The following TMED3 variants were observed in gnomAD, a reference collection of about 807,000 sequenced individuals.
The protein encoded by TMED3 is transmembrane emp24 domain-containing protein 3.
In TMED3, 9 loss-of-function variants were observed where a neutral mutation model predicts 15.0. The observed-to-expected ratio is 0.60, with a 90% CI of 0.36 to 1.04. The LOEUF is 1.04. Ranked by LOEUF, TMED3 falls within the 50% of genes least tolerant of loss-of-function variation. The pLI, the probability that TMED3 is intolerant of heterozygous loss-of-function variation, is 0.01. For synonymous variants in TMED3, 117 were observed against 121.4 expected (o/e 0.96, Z 0.24); for missense variants, 267 against 278.9 (o/e 0.96, Z 0.30).
intron 2 of TMED3, among the ~76,000 whole-genome samples, chr15:79,348,120 C>CA (rs1412727630): frequency 6.6e-6 from 1 of 152,084 alleles, no homozygotes; most frequent in East Asian, 1.9e-4. Flanking sequence ...GCAATATTTT[C>CA]AATAAGTTAC....
intron 2 of TMED3, among the ~76,000 whole-genome samples, chr15:79,374,921 T>G (rs1893399644): frequency 1.3e-5 from 2 of 152,204 alleles, no homozygotes; most frequent in Non-Finnish European, 2.9e-5. Context: ...AGCAAGCTTT[T>G]TCTCTGATTC....
intron 2 of TMED3, among the ~76,000 whole-genome samples, chr15:79,356,086 C>G (rs1334229657): frequency 6.6e-6 from 1 of 152,062 alleles, no homozygotes; most frequent in Non-Finnish European, 1.5e-5. Flanking sequence ...GTCTGTTTGC[C>G]CAGCTCCCAG....
At chr15:79,343,802 G>A (rs74710498) in intron 2 of TMED3, among the ~76,000 whole-genome samples, 6,981 of 152,228 alleles carry the variant, frequency 0.046, 216 homozygotes, top group Middle Eastern at 0.071. Flanking sequence ...TGAACTACCA[G>A]GTGAAAGGTA....
intron 2 of TMED3, among the ~76,000 whole-genome samples, chr15:79,346,459 C>A (rs959770472): frequency 1.3e-5 from 2 of 152,166 alleles, no homozygotes; most frequent in African/African-American, 2.4e-5. Flanking sequence ...AGTACCCCTG[C>A]ACATGCTCTC....
At chr15:79,380,803 A>G (rs974497483) in intron 2 of TMED3, among the ~76,000 whole-genome samples, 2 of 152,056 alleles carry the variant, frequency 1.3e-5, no homozygotes, top group Non-Finnish European at 2.9e-5. Context: ...TCACAGAAAT[A>G]TCTCCCAGAC....
intron 2 of TMED3, chr15:79,384,568 C>T (rs1893598186): frequency 6.6e-6 from 1 of 152,070 alleles, no homozygotes; most frequent in Non-Finnish European, 1.5e-5. Context: ...GCTGGTGGGA[C>T]AAAGAGAAAT....
At chr15:79,349,425 G>A (rs7175793) in intron 2 of TMED3, among the ~76,000 whole-genome samples, 105,723 of 151,920 alleles carry the variant, frequency 0.7, 36,978 homozygotes, top group East Asian at 0.86. Flanking sequence ...GGGTAGTTGG[G>A]AGACAGGCTG....
intron 2 of TMED3, among the ~76,000 whole-genome samples, chr15:79,363,629 T>C (rs944110169): frequency 6.6e-6 from 1 of 152,112 alleles, no homozygotes; most frequent in Non-Finnish European, 1.5e-5. Context: ...TGATGATATA[T>C]AATATTTTTA....
chr15:79,360,625 TC>T (rs1206246620), intron 2 of TMED3, among the ~76,000 whole-genome samples: 2 of 152,130 alleles, frequency 1.3e-5, no homozygotes, highest in African/African-American at 4.8e-5. Flanking sequence ...GACCGCGACA[TC>T]CCAACAGCAG....
intron 2 of TMED3, among the ~76,000 whole-genome samples, chr15:79,394,410 C>T (rs1426661192): frequency 2.6e-5 from 4 of 152,154 alleles, no homozygotes; most frequent in Non-Finnish European, 5.9e-5. Flanking sequence ...GAGACTGACT[C>T]ATCCTTCTGT....
At chr15:79,391,852 T>C (rs1480282506) in intron 2 of TMED3, among the ~76,000 whole-genome samples, 1 of 152,250 alleles carries the variant, frequency 6.6e-6, no homozygotes, top group Non-Finnish European at 1.5e-5. Flanking sequence ...GTTGTCCTTT[T>C]TAACTGCTGT....
In TMED3 at chr15:79,401,378, G is replaced by A. The variant is rs183736790; in HGVS notation, c.418-10022G>A. ...ATAAGTATTTTCTTTACAGGAGTGT[G>A]AGATAGATGACAGAGAGTGCATAGG... On this transcript the variant is annotated intron_variant, in intron 2 of 2. Transcript: ENST00000424155. Among the ~76,000 whole-genome samples, 5 of 152,274 alleles carry A rather than the reference G, an allele frequency of 3.3e-5. No individual in the cohort carries two copies. The East Asian group carries it at 9.6e-4, about 29-fold the overall frequency.
intron 2 of TMED3, among the ~76,000 whole-genome samples, chr15:79,377,299 A>T (rs74024662): frequency 0.016 from 2,058 of 128,590 alleles, 31 homozygotes; most frequent in African/African-American, 0.05. Context: ...TGTGTGTGTG[A>T]GAGAGAGAGA....
At chr15:79,329,333 A>T (rs1231797994) in intron 2 of TMED3, among the ~76,000 whole-genome samples, 1 of 152,242 alleles carries the variant, frequency 6.6e-6, no homozygotes, top group Non-Finnish European at 1.5e-5. Context: ...AAATATCGTT[A>T]TACCAGAATC....
chr15:79,317,895 A>C (rs1271579591), intron 2 of TMED3, among the ~76,000 whole-genome samples: 1 of 152,192 alleles, frequency 6.6e-6, no homozygotes, highest in African/African-American at 2.4e-5. Flanking sequence ...TTTCTGCATC[A>C]TAGCTGCCAG....
intron 2 of TMED3, among the ~76,000 whole-genome samples, chr15:79,363,743 T>A (rs1893176145): frequency 6.6e-6 from 1 of 152,216 alleles, no homozygotes; most frequent in Non-Finnish European, 1.5e-5. Flanking sequence ...ATTTGATTAT[T>A]TTTGTACTCT....
chr15:79,380,598 TATAG>T (rs1567036705), intron 2 of TMED3, among the ~76,000 whole-genome samples: 2 of 146,324 alleles, frequency 1.4e-5, no homozygotes, highest in African/African-American at 5.0e-5. Flanking sequence ...TATATATATA[TATAG>T]AGAGAGAGAG....
intron 2 of TMED3, among the ~76,000 whole-genome samples, chr15:79,355,076 C>T (rs2058913487): frequency 6.6e-6 from 1 of 152,168 alleles, no homozygotes; most frequent in Non-Finnish European, 1.5e-5. Context: ...ACCAGTAATA[C>T]AGGAAGTAAG....
intron 2 of TMED3, 54 bp downstream of exon 2, chr15:79,314,059 C>T: frequency 1.3e-6 from 2 of 1,597,176 alleles, no homozygotes; most frequent in Non-Finnish European, 1.7e-6. Flanking sequence ...TGTTCCTCTT[C>T]ATTGGCCTCT....
Sources: gnomAD v4.1 joint callset for allele counts (sites outside exome capture counted in the v4.1 genomes callset) on GRCh38, gnomAD v4.1.1 for gene constraint, MANE v1.5 for transcripts, NCBI Gene and HGNC (gene_info 2026-07-23, HGNC 2026-07-21) for gene names.